The following LRBA variants were observed in gnomAD, a reference collection of about 807,000 sequenced individuals.
The protein encoded by LRBA is lipopolysaccharide-responsive and beige-like anchor protein.
Under a neutral mutation model 330.0 loss-of-function variants are expected in LRBA, and 176 were observed. The observed-to-expected ratio is 0.53, with a 90% CI of 0.47 to 0.60. The LOEUF (loss-of-function observed/expected upper bound fraction) is 0.60, where lower values mean the gene tolerates loss of function less well. Among genes scored for constraint, LRBA ranks in the 20% least tolerant of loss-of-function variants. LRBA has a pLI of 0.00. For synonymous variants in LRBA, 1,230 were observed against 1,193.0 expected, an observed-to-expected ratio of 1.03 and a Z score of -0.64; for missense variants, 3,259 against 3,444.8, an observed-to-expected ratio of 0.95 and a Z score of 1.35.
At chr4:150,686,815 ATC>A (rs1783665328) in intron 36 of LRBA, among the ~76,000 whole-genome samples, 1 of 152,112 alleles carries the variant, frequency 6.6e-6, no homozygotes, top group Non-Finnish European at 1.5e-5. Context: ...TGTCATTTCT[ATC>A]TCTTATTAAT....
chr4:150,301,075 A>G (rs557577606), intron 53 of LRBA, among the ~76,000 whole-genome samples: 1 of 152,174 alleles, frequency 6.6e-6, no homozygotes, highest in South Asian at 2.1e-4. Flanking sequence ...TCAATTTTAA[A>G]TATAGGTTTG....
intron 40 of LRBA, among the ~76,000 whole-genome samples, chr4:150,511,137 C>T (rs1036721916): frequency 2.0e-5 from 3 of 152,178 alleles, no homozygotes; most frequent in African/African-American, 4.8e-5. Flanking sequence ...GGATTACAGG[C>T]GTGAGCCTCC....
rs890794296 is a variant in LRBA at position 150,717,701 on chromosome 4, A to AATAATAATAATAATC, written c.5754+17556_5754+17557insGATTATTATTATTAT. ...TAATAATAATAATAATAATAATAATAATCAGTGCTTTCATGGTCTTTATTT... is the reference window on the plus strand; with the variant it reads ...TAATAATAATAATAATAATAATAATAATAATAATAATAATCATCAGTGCTTTCATGGTCTTTATTT... On this transcript the variant is annotated intron_variant, in intron 36 of 56. Coordinates refer to ENST00000651943, the MANE Select transcript of LRBA (RefSeq NM_001364905.1). 8.6e-4 allele frequency among the ~76,000 whole-genome samples: 127 copies of AATAATAATAATAATC among 148,052 alleles called. 3 individuals are homozygous for AATAATAATAATAATC. The highest frequency in any genetic ancestry group is 2.7e-3 in the African/African-American group (111 of 40,724).
Position 150,759,727 on chromosome 4 carries a change from A to G in LRBA, c.5645+2056T>C, listed in dbSNP as rs186059504. Among the ~76,000 whole-genome samples, 290 of 152,174 alleles carry G rather than the reference A, an allele frequency of 1.9e-3. 3 individuals are homozygous for G. Among genetic ancestry groups the G allele is most frequent in the African/African-American group, 6.7e-3 (278 of 41,548 alleles). On this transcript the variant is annotated intron_variant, in intron 35 of 56. Transcript: ENST00000651943. ...TGCCTATTTGAATGTACAATCCACG[A>G]AAAAAAGAATCTTTATCTATTTTGT...
At chr4:150,419,711 C>T (rs1450276109) in intron 46 of LRBA, among the ~76,000 whole-genome samples, 2 of 140,478 alleles carry the variant, frequency 1.4e-5, no homozygotes, top group Non-Finnish European at 3.0e-5. Flanking sequence ...GATCTTGGCT[C>T]ACTGCAACCT....
At chr4:150,671,131 C>T (rs937012422) in intron 37 of LRBA, among the ~76,000 whole-genome samples, 2 of 151,868 alleles carry the variant, frequency 1.3e-5, no homozygotes, top group South Asian at 4.2e-4. Flanking sequence ...CTGTCACTCC[C>T]CTTTCATTGC....
intron 46 of LRBA, among the ~76,000 whole-genome samples, chr4:150,429,740 C>A (rs372064858): frequency 2.6e-5 from 4 of 151,940 alleles, no homozygotes; most frequent in Non-Finnish European, 5.9e-5. Flanking sequence ...ATCCCATCTC[C>A]CCCAGTCAGA....
intron 47 of LRBA, among the ~76,000 whole-genome samples, chr4:150,356,213 T>C (rs1737824523): frequency 6.6e-6 from 1 of 152,112 alleles, no homozygotes; most frequent in African/African-American, 2.4e-5. Context: ...ATGATTTTGA[T>C]TGAATATGTG....
intron 28 of LRBA, among the ~76,000 whole-genome samples, chr4:150,834,938 G>A (rs951015783): frequency 6.6e-6 from 1 of 152,140 alleles, no homozygotes; most frequent in African/African-American, 2.4e-5. Context: ...ATGGTTTTAG[G>A]TCTTACATTT....
chr4:150,464,824 G>T (rs1875899), intron 44 of LRBA, among the ~76,000 whole-genome samples: 1 of 151,854 alleles, frequency 6.6e-6, no homozygotes, highest in Admixed American at 6.6e-5. Context: ...AGAAGCAAGA[G>T]CAGAAACACA....
chr4:150,916,650 A>T lies in LRBA; in HGVS notation c.734T>A (p.Ile245Asn). 1 of 1,600,964 alleles carries T rather than the reference A, an allele frequency of 6.2e-7. No individual in the cohort carries two copies. The highest frequency in any genetic ancestry group is 8.5e-7 in the Non-Finnish European group (1 of 1,174,578). Residue 245 changes from isoleucine to asparagine, a missense_variant, in exon 6 of 57, where the codon ATC becomes AAC. Ile to Asn is a moderately radical substitution (Grantham distance 149, BLOSUM62 -3). Coordinates refer to ENST00000651943, the MANE Select transcript of LRBA (RefSeq NM_001364905.1). Reference sequence around the variant, plus strand: ...ATATGGTTTATCCTTATCTACATTGATGTTATTTACAGGATCCATTCTAAG... The same window carrying T: ...ATATGGTTTATCCTTATCTACATTGTTGTTATTTACAGGATCCATTCTAAG... ...TWLRMDPVNN[I>N]NVDKDKPYLY... is the part of the protein sequence containing the mutation.
At chr4:150,855,766 G>C (rs927662724) in intron 22 of LRBA, among the ~76,000 whole-genome samples, 1 of 152,034 alleles carries the variant, frequency 6.6e-6, no homozygotes. Flanking sequence ...TTAAAAGATA[G>C]TTTTACTATC....
intron 17 of LRBA, among the ~76,000 whole-genome samples, chr4:150,879,118 CCAA>C (rs1343669137): frequency 6.6e-6 from 1 of 151,994 alleles, no homozygotes; most frequent in African/African-American, 2.4e-5. Context: ...GCAAAAGTCC[CCAA>C]CAAAATACTA....
rs558852744 is a variant in LRBA, at chr4:150,729,599, C to T, written c.5754+5659G>A. On this transcript the variant is annotated intron_variant, in intron 36 of 56. Transcript: ENST00000651943. ...AAGTAATCTACAGATTCAATGCAAT[C>T]TCTATCAAAATACTAATGACATTCT... Among the ~76,000 whole-genome samples the T allele has an allele frequency of 2.0e-5, 3 of 152,204 alleles. No homozygotes were observed. In the East Asian group the frequency reaches 5.8e-4, roughly 29 times the overall value.
intron 35 of LRBA, among the ~76,000 whole-genome samples, chr4:150,742,445 G>A (rs1436580012): frequency 6.6e-6 from 1 of 152,022 alleles, no homozygotes; most frequent in South Asian, 2.1e-4. Context: ...TACATGGCCT[G>A]CAAGGATTAT....
intron 36 of LRBA, among the ~76,000 whole-genome samples, chr4:150,729,364 G>C (rs752208356): frequency 5.9e-5 from 9 of 151,962 alleles, no homozygotes; most frequent in Non-Finnish European, 8.8e-5. Flanking sequence ...TGAACAATCT[G>C]AACATGAATT....
chr4:150,698,879 G>A (rs984201287), intron 36 of LRBA, among the ~76,000 whole-genome samples: 1 of 152,150 alleles, frequency 6.6e-6, no homozygotes, highest in African/African-American at 2.4e-5. Flanking sequence ...AAAGTTGAGA[G>A]TATGACAAGT....
chr4:150,439,457 G>A (rs1239145563), intron 44 of LRBA, among the ~76,000 whole-genome samples: 1 of 151,738 alleles, frequency 6.6e-6, no homozygotes, highest in Non-Finnish European at 1.5e-5. Context: ...GACATACCAC[G>A]TTTATTTGCA....
chr4:150,577,413 A>ATT (rs540513367), intron 40 of LRBA, among the ~76,000 whole-genome samples: 1 of 119,022 alleles, frequency 8.4e-6, no homozygotes, highest in African/African-American at 2.8e-5. Flanking sequence ...ATCAATGTTC[A>ATT]TTTTTTTAAA....
Sources: allele counts gnomAD v4.1 joint callset (sites outside exome capture counted in the v4.1 genomes callset), GRCh38; gene constraint gnomAD v4.1.1; transcripts MANE v1.5; gene names NCBI Gene and HGNC (gene_info 2026-07-23, HGNC 2026-07-21).